CCSER1: variants seen among roughly 807,000 people sequenced by gnomAD.
CCSER1 encodes serine-rich coiled-coil domain-containing protein 1.
In CCSER1, 41 loss-of-function variants were observed where a neutral mutation model predicts 82.0. The ratio of observed to expected loss-of-function variants is 0.50; its 90% confidence interval spans 0.39 to 0.65. CCSER1 has a LOEUF of 0.65. Ranked by LOEUF, CCSER1 falls within the 30% of genes least tolerant of loss-of-function variation. The probability of loss-of-function intolerance (pLI) is 0.00; values close to 1 mark genes in which losing one functional copy is unlikely to be tolerated. For synonymous variants in CCSER1, 414 were observed against 383.9 expected, an observed-to-expected ratio of 1.08 and a Z score of -0.92; for missense variants, 1,119 against 1,064.2, an observed-to-expected ratio of 1.05 and a Z score of -0.72.
intron 8 of CCSER1, among the ~76,000 whole-genome samples, chr4:90,900,975 CAT>C (rs1444171594): frequency 6.6e-6 from 1 of 151,830 alleles, no homozygotes; most frequent in Non-Finnish European, 1.5e-5. Flanking sequence ...TTTGATGTTA[CAT>C]GTGTGTATAT....
At chr4:90,949,684 CTGT>C (rs960012275) in intron 9 of CCSER1, among the ~76,000 whole-genome samples, 7 of 152,194 alleles carry the variant, frequency 4.6e-5, no homozygotes, top group South Asian at 2.1e-4. Context: ...CCAGGTATTT[CTGT>C]TGTTGTTGGG....
chr4:90,695,924 CAA>C (rs1398406588), intron 6 of CCSER1, among the ~76,000 whole-genome samples: 1 of 151,606 alleles, frequency 6.6e-6, no homozygotes, highest in Non-Finnish European at 1.5e-5. Context: ...AGCTAGGTAA[CAA>C]AACAATAAAT....
intron 10 of CCSER1, among the ~76,000 whole-genome samples, chr4:91,420,430 T>C (rs902664585): frequency 1.3e-5 from 2 of 152,162 alleles, no homozygotes. Flanking sequence ...CCAACAGATA[T>C]ATAAAAAGGT....
intron 10 of CCSER1, among the ~76,000 whole-genome samples, chr4:91,301,981 TC>T (rs35855281): frequency 0.29 from 43,653 of 151,442 alleles, 6,357 homozygotes; most frequent in East Asian, 0.33. Context: ...CTTCCTTCCT[TC>T]CTTCGTTTAT....
intron 10 of CCSER1, among the ~76,000 whole-genome samples, chr4:91,389,275 T>C (rs1440357002): frequency 6.6e-6 from 1 of 152,002 alleles, no homozygotes; most frequent in Non-Finnish European, 1.5e-5. Context: ...TCATTTTTTT[T>C]GTTTTGTTTT....
chr4:91,342,176 TGTTA>T (rs1210843409), intron 10 of CCSER1, among the ~76,000 whole-genome samples: 2 of 152,176 alleles, frequency 1.3e-5, no homozygotes, highest in South Asian at 4.1e-4. Flanking sequence ...TCTATAAGAT[TGTTA>T]AAATTATCAT....
At chr4:90,296,447 G>A (rs887186268) in intron 1 of CCSER1, among the ~76,000 whole-genome samples, 1 of 152,028 alleles carries the variant, frequency 6.6e-6, no homozygotes, top group Admixed American at 6.6e-5. Context: ...TAGGTTGCCG[G>A]TTCACTCTGA....
intron 10 of CCSER1, among the ~76,000 whole-genome samples, chr4:91,160,115 A>T (rs1731232002): frequency 1.3e-5 from 2 of 150,412 alleles, no homozygotes; most frequent in South Asian, 2.1e-4. Flanking sequence ...CTCATTGTTC[A>T]GTTCCCACCT....
intron 4 of CCSER1, among the ~76,000 whole-genome samples, chr4:90,452,961 C>G (rs1161854027): frequency 6.6e-6 from 1 of 152,130 alleles, no homozygotes; most frequent in Non-Finnish European, 1.5e-5. Flanking sequence ...ATCCTGTTAT[C>G]CAGAAAATTA....
At chr4:91,563,754 T>C (rs546547063) in intron 10 of CCSER1, among the ~76,000 whole-genome samples, 117 of 151,706 alleles carry the variant, frequency 7.7e-4, no homozygotes, top group Non-Finnish European at 1.5e-3. Flanking sequence ...GCAAGTAAAA[T>C]TGTCTCTTTC....
chr4:90,660,957 A>ACAG (rs34609406), intron 6 of CCSER1, among the ~76,000 whole-genome samples: 5 of 105,522 alleles, frequency 4.7e-5, no homozygotes, highest in Admixed American at 3.6e-4. Flanking sequence ...CACTTGGCAC[A>ACAG]TAGTGCTCAA....
At chr4:91,411,505 T>TATATATATACATATATATATATATAC (rs1560650403) in intron 10 of CCSER1, among the ~76,000 whole-genome samples, 2 of 65,776 alleles carry the variant, frequency 3.0e-5, no homozygotes, top group African/African-American at 1.0e-4. Flanking sequence ...TATATATATA[T>TATATATATACATATATATATATATAC]ATATATATAT....
At chr4:90,727,077 C>A in intron 7 of CCSER1, 1 of 346,510 alleles carries the variant, frequency 2.9e-6, no homozygotes, top group Admixed American at 3.7e-5. Context: ...TTCTAGGATG[C>A]TTGGTTCAAA....
At chr4:90,588,660 A>G (rs1782305732) in intron 5 of CCSER1, among the ~76,000 whole-genome samples, 1 of 152,070 alleles carries the variant, frequency 6.6e-6, no homozygotes, top group Non-Finnish European at 1.5e-5. Flanking sequence ...TAATTCCCAT[A>G]TGTTGTGGGA....
chr4:91,549,228 T>G (rs1186275612), intron 10 of CCSER1, among the ~76,000 whole-genome samples: 1 of 152,176 alleles, frequency 6.6e-6, no homozygotes, highest in Non-Finnish European at 1.5e-5. Context: ...CTTTAGAATT[T>G]TTATCCCTTT....
intron 6 of CCSER1, among the ~76,000 whole-genome samples, chr4:90,708,009 A>T (rs1310043222): frequency 6.6e-6 from 1 of 152,184 alleles, no homozygotes; most frequent in African/African-American, 2.4e-5. Context: ...TCTATCAGCC[A>T]AATCTGTCAA....
intron 10 of CCSER1, among the ~76,000 whole-genome samples, chr4:91,521,609 T>A (rs1282445716): frequency 2.0e-5 from 3 of 152,252 alleles, no homozygotes. Flanking sequence ...GTGGTTTTGA[T>A]TTGCATTTCT....
intron 10 of CCSER1, among the ~76,000 whole-genome samples, chr4:91,133,506 G>A (rs1728184707): frequency 6.6e-6 from 1 of 152,194 alleles, no homozygotes. Flanking sequence ...AGTGAAGGTA[G>A]ATTGACGCCT....
intron 10 of CCSER1, among the ~76,000 whole-genome samples, chr4:91,561,812 A>G (rs1257104083): frequency 1.3e-5 from 2 of 151,484 alleles, no homozygotes; most frequent in Non-Finnish European, 3.0e-5. Flanking sequence ...GCTGTCACAT[A>G]TCTACTCCTA....
Sources: allele counts gnomAD v4.1 joint callset (sites outside exome capture counted in the v4.1 genomes callset), GRCh38; gene constraint gnomAD v4.1.1; transcripts MANE v1.5; gene names NCBI Gene and HGNC (gene_info 2026-07-23, HGNC 2026-07-21).